IRF2BP2: variants seen among roughly 807,000 people sequenced by gnomAD.
IRF2BP2 encodes the protein interferon regulatory factor 2-binding protein 2.
In IRF2BP2, 13 loss-of-function variants were observed where a neutral mutation model predicts 32.7. That is an observed-to-expected ratio of 0.40 (90% CI 0.26 to 0.63). The LOEUF (loss-of-function observed/expected upper bound fraction) is 0.63. Among genes scored for constraint, IRF2BP2 ranks in the 30% least tolerant of loss-of-function variants. IRF2BP2 has a pLI of 0.42. For synonymous variants in IRF2BP2, 555 were observed against 384.6 expected (o/e 1.44, Z -5.18); for missense variants, 980 against 830.6 (o/e 1.18, Z -2.21).
In IRF2BP2 at chr1:234,607,097, A is replaced by T. The variant is rs529339076; in HGVS notation, c.*40T>A. On this transcript the variant is annotated 3_prime_UTR_variant, in exon 2 of 2. Transcript: ENST00000366609. Reference sequence around the variant, plus strand: ...ATATATATACAATTCAAGCAGTTTTAATTAAGGGTAATCATTGGGTTTTTC... The same window carrying T: ...ATATATATACAATTCAAGCAGTTTTTATTAAGGGTAATCATTGGGTTTTTC... 3.1e-5 allele frequency: 44 copies of T among 1,434,960 alleles called. No homozygotes were observed. The Middle Eastern group carries it at 1.3e-3, about 44-fold the overall frequency. The allele number at this position is 1,434,960 out of a possible 1,614,324, so 88.9% of individuals were successfully genotyped here. A position where few individuals can be genotyped will look rare whatever the true frequency, so the allele number is the denominator to read the frequency against.
Position 234,607,474 on chromosome 1 carries a change from C to A in IRF2BP2, c.1427G>T (p.Gly476Val). The change falls in exon 2 of 2, where the codon GGC becomes GTC. Residue 476 changes from glycine (G) to valine (V), a missense_variant. By Grantham distance (109) the Gly-to-Val change is moderately radical. Coordinates refer to ENST00000366609, the MANE Select transcript of IRF2BP2 (RefSeq NM_182972.3). ...TCCTCCTGTGTTGCCTGCTCCCTGG[C>A]CCCCCACCTCTCTGGGGCCCAGCCT... ...QRRLGPREVGGQGAGNTGGLE... is the reference protein window; with the variant it reads ...QRRLGPREVGVQGAGNTGGLE... The A allele has an allele frequency of 1.9e-6, 3 of 1,614,070 alleles. No homozygotes were observed. Among genetic ancestry groups the A allele is most frequent in the South Asian group, 1.1e-5 (1 of 91,080 alleles).
chr1:234,608,297 C>G (rs867506245), intron 1 of IRF2BP2, 150 bp downstream of exon 1: 11 of 661,230 alleles, frequency 1.7e-5, no homozygotes, highest in East Asian at 3.0e-5. Flanking sequence ...CACGTTGCCA[C>G]CAAGCACTGG....
chr1:234,608,644 G>A lies in IRF2BP2; in HGVS notation c.851C>T (p.Ala284Val), dbSNP rs1210906653. 6 of 1,550,966 alleles carry A rather than the reference G, an allele frequency of 3.9e-6. No homozygotes were observed. The highest frequency in any genetic ancestry group is 1.2e-5 in the South Asian group (1 of 84,254). Residue 284 changes from alanine (A) to valine (V), a missense_variant, in exon 1 of 2, where the codon GCG becomes GTG. Coordinates refer to ENST00000366609, the MANE Select transcript of IRF2BP2 (RefSeq NM_182972.3). ...STAAGAAELS[A>V]EGAGKSRGSG... ...CCCGCGGCTCTTGCCCGCACCTTCC[G>A]CGCTCAGCTCGGCGGCCCCGGCCGC...
At position 234,607,229 on chromosome 1, in the gene IRF2BP2, C is replaced by G. The variant is rs747870654; in HGVS notation, c.1672G>C (p.Val558Leu). The change falls in exon 2 of 2, where the codon GTG (valine) becomes CTG (leucine). Residue 558 changes from valine (V) to leucine (L), a missense_variant. Val to Leu is a conservative substitution (Grantham distance 32, BLOSUM62 1). Transcript: ENST00000366609. ...YCPSGEKCPL[V>L]GSNVPWAFMQ... ...AAGGCCCAGGGGACATTGGAGCCCA[C>G]AAGAGGGCATTTTTCCCCACTGGGA... The G allele has an allele frequency of 1.2e-6, 2 of 1,614,228 alleles. No homozygotes were observed. The highest frequency in any genetic ancestry group is 1.7e-5 in the Admixed American group (1 of 60,032).
rs1458925353 is a variant in IRF2BP2 at position 234,608,811 on chromosome 1, C to T, written c.684G>A (p.Gln228=). The part of the protein sequence containing the change: ...GTAAASLGSA[Q]PTDLGAHKRP... ...GCTTGTGGGCGCCCAGATCGGTGGG[C>T]TGCGCGGAGCCCAGGCTGGCGGCCG... Residue 228 remains glutamine, a synonymous_variant, in exon 1 of 2, where the codon CAG becomes CAA. Coordinates refer to ENST00000366609, the MANE Select transcript of IRF2BP2 (RefSeq NM_182972.3). The T allele has an allele frequency of 5.0e-6, 7 of 1,389,896 alleles. No homozygotes were observed. The African/African-American group carries it at 7.6e-5, about 15-fold the overall frequency. The allele number at this position is 1,389,896 out of a possible 1,614,324, so 86.1% of individuals were successfully genotyped here. A position where few individuals can be genotyped will look rare whatever the true frequency, so the allele number is the denominator to read the frequency against.
Position 234,610,153 on chromosome 1 carries a change from T to A in IRF2BP2, c.-659A>T, listed in dbSNP as rs548714459. Among the ~76,000 whole-genome samples the A allele has an allele frequency of 6.7e-6, 1 of 148,314 alleles. No homozygotes were observed. The highest frequency in any genetic ancestry group is 2.4e-5 in the African/African-American group (1 of 41,142). On this transcript the variant is annotated 5_prime_UTR_variant, in exon 1 of 2. Coordinates refer to ENST00000366609, the MANE Select transcript of IRF2BP2 (RefSeq NM_182972.3). ...CCGCCGCCACCGTCGCTGCTGCTGC[T>A]GCCGCCGCGACCGCTCCACTTCTAC...
chr1:234,608,539 C>G lies in IRF2BP2; in HGVS notation c.956G>C (p.Gly319Ala). Reference sequence around the variant, plus strand: ...CTTCTTAAACTTGCTCTCGAAGGGCCCCGAGTGGCCGTGCTGGTGCAGCGC... The same window carrying G: ...CTTCTTAAACTTGCTCTCGAAGGGCGCCGAGTGGCCGTGCTGGTGCAGCGC... ...LLALHQHGHS[G>A]PFESKFKKEP... Residue 319 changes from glycine to alanine, a missense_variant, in exon 1 of 2, where the codon GGG (glycine) becomes GCG (alanine). Coordinates refer to ENST00000366609, the MANE Select transcript of IRF2BP2 (RefSeq NM_182972.3). The G allele has an allele frequency of 6.2e-7, 1 of 1,610,310 alleles. No individual in the cohort carries two copies. The highest frequency in any genetic ancestry group is 8.5e-7 in the Non-Finnish European group (1 of 1,178,878).
intron 1 of IRF2BP2, 110 bp from the exon 2 acceptor site, chr1:234,607,962 C>T (rs751337369): frequency 3.5e-6 from 3 of 853,570 alleles, no homozygotes; most frequent in Non-Finnish European, 5.3e-6. Context: ...TTCCTCCTCT[C>T]TAAAAGCACA....
At position 234,607,697 on chromosome 1, in the gene IRF2BP2, G is replaced by T; in HGVS notation, c.1204C>A (p.Pro402Thr). The T allele has an allele frequency of 1.2e-5, 20 of 1,614,226 alleles. No individual in the cohort carries two copies. The highest frequency in any genetic ancestry group is 1.7e-5 in the Non-Finnish European group (20 of 1,180,030). Residue 402 changes from proline to threonine, a missense_variant, in exon 2 of 2, where the codon CCA becomes ACA. Transcript: ENST00000366609. ...TPTSSFVSPPPPTASPHSNRT... is the reference protein window; with the variant it reads ...TPTSSFVSPPTPTASPHSNRT... ...TTGGAATGAGGTGAGGCAGTGGGTGGTGGCGGAGACACAAAAGAGGATGTA... is the reference window on the plus strand; with the variant it reads ...TTGGAATGAGGTGAGGCAGTGGGTGTTGGCGGAGACACAAAAGAGGATGTA...
In IRF2BP2 at chr1:234,609,275, C is replaced by T; in HGVS notation, c.220G>A (p.Gly74Ser). ...GCFPEGRSPP[G>S]AAASAAAKPP... ...TTGGCGGCGGCCGAGGCCGCGGCGC[C>T]GGGTGGGGAGCGACCCTCCGGGAAG... Residue 74 changes from glycine to serine, a missense_variant, in exon 1 of 2, where the codon GGC becomes AGC. Transcript: ENST00000366609. The T allele has an allele frequency of 5.0e-6, 7 of 1,407,994 alleles. No homozygotes were observed. Among genetic ancestry groups the T allele is most frequent in the East Asian group, 3.1e-5 (1 of 32,722 alleles). The allele number at this position is 1,407,994 out of a possible 1,614,324, so 87.2% of individuals were successfully genotyped here.
At position 234,608,925 on chromosome 1, in the gene IRF2BP2, C is replaced by T. The variant is rs1406651568; in HGVS notation, c.570G>A (p.Pro190=). 7.3e-7 allele frequency: 1 copy of T among 1,376,718 alleles called. No homozygotes were observed. The allele number at this position is 1,376,718 out of a possible 1,614,324, so 85.3% of individuals were successfully genotyped here. A position where few individuals can be genotyped will look rare whatever the true frequency, so the allele number is the denominator to read the frequency against. The part of the protein sequence containing the change: ...RGHAVPPTLV[P]LMNGSATPLP... Reference sequence around the variant, plus strand: ...GCGGCGTGGCCGAGCCGTTCATGAGCGGCACCAGGGTGGGCGGCACCGCGT... The same window carrying T: ...GCGGCGTGGCCGAGCCGTTCATGAGTGGCACCAGGGTGGGCGGCACCGCGT... The change falls in exon 1 of 2, where the codon CCG becomes CCA. Residue 190 remains proline (P), a synonymous_variant. Coordinates refer to ENST00000366609, the MANE Select transcript of IRF2BP2 (RefSeq NM_182972.3).
At position 234,608,709 on chromosome 1, in the gene IRF2BP2, C is replaced by A. The variant is rs201785261; in HGVS notation, c.786G>T (p.Pro262=). 1.0e-4 allele frequency: 153 copies of A among 1,503,520 alleles called. 1 individual carries two copies. In the East Asian group the frequency reaches 4.1e-3, roughly 40 times the overall value. 93.1% of individuals were successfully genotyped at this position (1,503,520 alleles called of 1,614,324 possible). A position where few individuals can be genotyped will look rare whatever the true frequency, so the allele number is the denominator to read the frequency against. ...REAAAKEKQP[P]PPAHRGPADS... ...CGGCCGGGCCCCGGTGCGCAGGCGGCGGCGGTTGTTTCTCCTTGGCTGCCG... is the reference window on the plus strand; with the variant it reads ...CGGCCGGGCCCCGGTGCGCAGGCGGAGGCGGTTGTTTCTCCTTGGCTGCCG... The change falls in exon 1 of 2, where the codon CCG becomes CCT. Residue 262 remains proline, a synonymous_variant. Coordinates refer to ENST00000366609, the MANE Select transcript of IRF2BP2 (RefSeq NM_182972.3).
intron 1 of IRF2BP2, 46 bp from the exon 2 acceptor site, chr1:234,607,898 G>T: frequency 7.1e-7 from 1 of 1,417,094 alleles, no homozygotes; most frequent in Non-Finnish European, 9.5e-7. Flanking sequence ...ATAAGTGGCG[G>T]TGCACTGAAA....
rs1442948401 is a variant in IRF2BP2 at position 234,606,357 on chromosome 1, GCCTT to G, written c.*776_*779del. ...GTACACACCACCATCCATTATAACCGCCTTCCATCACTGGAATTGTATCTTATGT... is the reference window on the plus strand; with the variant it reads ...GTACACACCACCATCCATTATAACCGCCATCACTGGAATTGTATCTTATGT... On this transcript the variant is annotated 3_prime_UTR_variant, in exon 2 of 2. Coordinates refer to ENST00000366609, the MANE Select transcript of IRF2BP2 (RefSeq NM_182972.3). 1 of 151,914 alleles carries G rather than the reference GCCTT, an allele frequency of 6.6e-6. No individual in the cohort carries two copies. The highest frequency in any genetic ancestry group is 1.5e-5 in the Non-Finnish European group (1 of 68,008). The allele number at this position is 151,914 out of a possible 1,614,324, so 9.4% of individuals were successfully genotyped here.
At position 234,609,041 on chromosome 1, in the gene IRF2BP2, G is replaced by A; in HGVS notation, c.454C>T (p.Pro152Ser). ...LAQPPTPQPPPVNGILVPNGF... is the reference protein window; with the variant it reads ...LAQPPTPQPPSVNGILVPNGF... ...TTGGGCACCAGGATGCCGTTCACGGGCGGCGGCTGCGGCGTCGGCGGCTGG... is the reference window on the plus strand; with the variant it reads ...TTGGGCACCAGGATGCCGTTCACGGACGGCGGCTGCGGCGTCGGCGGCTGG... The change falls in exon 1 of 2, where the codon CCC becomes TCC. Residue 152 changes from proline to serine, a missense_variant. Transcript: ENST00000366609. The A allele has an allele frequency of 1.5e-6, 2 of 1,297,226 alleles. No homozygotes were observed. Among genetic ancestry groups the A allele is most frequent in the Non-Finnish European group, 2.0e-6 (2 of 1,025,054 alleles). The allele number at this position is 1,297,226 out of a possible 1,614,324, so 80.4% of individuals were successfully genotyped here.
At chr1:234,608,090 T>C in intron 1 of IRF2BP2, 1 of 558,350 alleles carries the variant, frequency 1.8e-6, no homozygotes. Flanking sequence ...GACACGCTTG[T>C]AACTGCCTGT....
chr1:234,605,302 T>C lies in IRF2BP2; in HGVS notation c.*1835A>G, dbSNP rs117205601. ...TCACATAAGAGAGACCAGTCTGCAC[T>C]GAGTCATATATACTCCAACTTGAAA... On this transcript the variant is annotated 3_prime_UTR_variant, in exon 2 of 2. Coordinates refer to ENST00000366609, the MANE Select transcript of IRF2BP2 (RefSeq NM_182972.3). 1 of 152,394 alleles carries C rather than the reference T, an allele frequency of 6.6e-6. No individual in the cohort carries two copies. The highest frequency in any genetic ancestry group is 1.9e-4 in the East Asian group (1 of 5,196). 9.4% of individuals were successfully genotyped at this position (152,394 alleles called of 1,614,324 possible). A position where few individuals can be genotyped will look rare whatever the true frequency, so the allele number is the denominator to read the frequency against.
chr1:234,607,335 C>T lies in IRF2BP2; in HGVS notation c.1566G>A (p.Pro522=), dbSNP rs144158289. ...RLEDTHFVQC[P]SVPSHKFCFP... ...AGCAGAACTTGTGCGAAGGGACGGACGGGCACTGCACAAAATGGGTGTCCT... is the reference window on the plus strand; with the variant it reads ...AGCAGAACTTGTGCGAAGGGACGGATGGGCACTGCACAAAATGGGTGTCCT... Residue 522 remains proline, a synonymous_variant, in exon 2 of 2, where the codon CCG becomes CCA. Coordinates refer to ENST00000366609, the MANE Select transcript of IRF2BP2 (RefSeq NM_182972.3). 5.5e-4 allele frequency: 885 copies of T among 1,614,082 alleles called. No homozygotes were observed. The highest frequency in any genetic ancestry group is 7.3e-4 in the Non-Finnish European group (861 of 1,180,042).
chr1:234,608,574 G>A lies in IRF2BP2; in HGVS notation c.921C>T (p.Asp307=), dbSNP rs371081063. 58 of 1,607,726 alleles carry A rather than the reference G, an allele frequency of 3.6e-5. No homozygotes were observed. Among genetic ancestry groups the A allele is most frequent in the Non-Finnish European group, 4.9e-5 (58 of 1,177,934 alleles). Residue 307 remains aspartate (D), a synonymous_variant, in exon 1 of 2, where the codon GAC becomes GAT. Transcript: ENST00000366609. The part of the protein sequence containing the change: ...DWVNRPKTVR[D]TLLALHQHGH... Reference sequence around the variant, plus strand: ...CGTGCTGGTGCAGCGCCAGCAGCGTGTCGCGCACGGTCTTGGGCCTGTTGA... The same window carrying A: ...CGTGCTGGTGCAGCGCCAGCAGCGTATCGCGCACGGTCTTGGGCCTGTTGA...
Sources: gnomAD v4.1 joint callset for allele counts (sites outside exome capture counted in the v4.1 genomes callset) on GRCh38, gnomAD v4.1.1 for gene constraint, MANE v1.5 for transcripts, NCBI Gene and HGNC (gene_info 2026-07-23, HGNC 2026-07-21) for gene names.